Variants in GPT2 observed in about 807,000 individuals in gnomAD.
GPT2 encodes alanine aminotransferase 2.
Under a neutral mutation model 56.9 loss-of-function variants are expected in GPT2, and 30 were observed. The ratio of observed to expected loss-of-function variants is 0.53; its 90% CI spans 0.39 to 0.72. The LOEUF is 0.72. GPT2 is among the 30% of genes least tolerant of loss of function. GPT2 has a pLI of 0.00. For synonymous variants in GPT2, 271 were observed against 283.1 expected, an observed-to-expected ratio of 0.96 and a Z score of 0.43; for missense variants, 542 against 703.4, an observed-to-expected ratio of 0.77 and a Z score of 2.60.
chr16:46,928,338 A>T (rs902117742), intron 11 of GPT2, among the ~76,000 whole-genome samples: 5 of 151,680 alleles, frequency 3.3e-5, no homozygotes, highest in African/African-American at 4.8e-5. Context: ...CAAAAAAAAA[A>T]ATATGGCCAG....
chr16:46,929,109 C>A lies in GPT2; in HGVS notation c.*112C>A. 1.3e-6 allele frequency: 1 copy of A among 766,536 alleles called. No homozygotes were observed. Among genetic ancestry groups the A allele is most frequent in the South Asian group, 1.5e-5 (1 of 67,466 alleles). The allele number at this position is 766,536 out of a possible 1,614,324, so 47.5% of individuals were successfully genotyped here. ...CTCGGGCCTCGCAGAGGCCGCTGGT[C>A]ACTTCGTCATCATTTTGCCCCTGGA... On this transcript the variant is annotated 3_prime_UTR_variant, in exon 12 of 12. Transcript: ENST00000340124.
chr16:46,894,342 A>T (rs572671314), intron 2 of GPT2, among the ~76,000 whole-genome samples: 2 of 152,314 alleles, frequency 1.3e-5, no homozygotes, highest in African/African-American at 4.8e-5. Context: ...ACTCCCTGTG[A>T]AGAATGGGCT....
chr16:46,919,718 C>T (rs1287490694), intron 8 of GPT2, among the ~76,000 whole-genome samples: 2 of 152,134 alleles, frequency 1.3e-5, no homozygotes, highest in Non-Finnish European at 2.9e-5. Flanking sequence ...GGGGGTGTGG[C>T]CTTGCTTAGC....
Position 46,887,324 on chromosome 16 carries a change from C to A in GPT2, c.243+2366C>A, listed in dbSNP as rs1183523076. On this transcript the variant is annotated intron_variant, in intron 2 of 11. Transcript: ENST00000340124. ...CTCTACTAAAAGCACAAAAATTAGC[C>A]GGGCATGGTGGTACACGCTTGTAAC... 2.6e-5 allele frequency among the ~76,000 whole-genome samples: 4 copies of A among 152,136 alleles called. No homozygotes were observed. The South Asian group carries it at 8.3e-4, about 32-fold the overall frequency.
intron 2 of GPT2, among the ~76,000 whole-genome samples, chr16:46,896,268 C>T (rs1960684029): frequency 6.6e-6 from 1 of 152,170 alleles, no homozygotes; most frequent in South Asian, 2.1e-4. Flanking sequence ...GTTTCCAGGT[C>T]CCTGTAATTC....
At position 46,918,638 on chromosome 16, in the gene GPT2, G is replaced by C; in HGVS notation, c.918G>C (p.Val306=). 1 of 1,614,174 alleles carries C rather than the reference G, an allele frequency of 6.2e-7. No homozygotes were observed. Among genetic ancestry groups the C allele is most frequent in the Non-Finnish European group, 8.5e-7 (1 of 1,180,018 alleles). ...CCCCGCAGGTGTACCAGGACAACGTGTACTCTCCAGATTGCAGATTCCACT... is the reference window on the plus strand; with the variant it reads ...CCCCGCAGGTGTACCAGGACAACGTCTACTCTCCAGATTGCAGATTCCACT... ...LLADEVYQDN[V]YSPDCRFHSF... Residue 306 remains valine, a synonymous_variant, in exon 8 of 12, where the codon GTG becomes GTC. Transcript: ENST00000340124.
intron 4 of GPT2, among the ~76,000 whole-genome samples, chr16:46,904,809 TCACCTATTGGG>T (rs1260044544): frequency 6.6e-6 from 1 of 152,118 alleles, no homozygotes; most frequent in Non-Finnish European, 1.5e-5. Flanking sequence ...AGCAACTAAA[TCACCTATTGGG>T]GGAGGGCTCT....
chr16:46,886,246 G>C (rs993107224), intron 2 of GPT2, among the ~76,000 whole-genome samples: 8 of 152,200 alleles, frequency 5.3e-5, no homozygotes, highest in Non-Finnish European at 1.0e-4. Context: ...TGTCTGGCAG[G>C]CTGGAGCTGG....
chr16:46,923,215 A>C (rs1961332268), intron 9 of GPT2, among the ~76,000 whole-genome samples: 1 of 152,100 alleles, frequency 6.6e-6, no homozygotes, highest in Non-Finnish European at 1.5e-5. Flanking sequence ...TAATCCAAGC[A>C]CTTTGGGAGG....
At chr16:46,894,700 C>T (rs576427289) in intron 2 of GPT2, among the ~76,000 whole-genome samples, 2 of 151,876 alleles carry the variant, frequency 1.3e-5, no homozygotes, top group African/African-American at 4.8e-5. Flanking sequence ...GAGTCTCGCT[C>T]TGTCGCCCAG....
intron 6 of GPT2, 39 bp from the exon 7 acceptor site, chr16:46,916,589 A>T (rs1961170828): frequency 1.3e-6 from 2 of 1,487,646 alleles, no homozygotes; most frequent in Non-Finnish European, 1.9e-6. Flanking sequence ...TTTAAACAGC[A>T]TTACAACCGA....
Position 46,916,604 on chromosome 16 carries a change from T to A in GPT2, c.821-24T>A, listed in dbSNP as rs759327650. The A allele has an allele frequency of 7.0e-6, 11 of 1,577,358 alleles. No homozygotes were observed. The Admixed American group carries it at 1.8e-4, about 26-fold the overall frequency. ...TTTAAACAGCATTACAACCGACATT[T>A]TGGTTTTCTTGGGGATTTTATAGGC... On this transcript the variant is annotated intron_variant, in intron 6 of 11. Coordinates refer to ENST00000340124, the MANE Select transcript of GPT2 (RefSeq NM_133443.4).
intron 4 of GPT2, among the ~76,000 whole-genome samples, chr16:46,901,623 C>G (rs558280161): frequency 6.6e-6 from 1 of 152,214 alleles, no homozygotes; most frequent in African/African-American, 2.4e-5. Context: ...CTGATGTTCC[C>G]GAAAGTGGAG....
chr16:46,902,949 C>G (rs969198730), intron 4 of GPT2, among the ~76,000 whole-genome samples: 1 of 151,904 alleles, frequency 6.6e-6, no homozygotes, highest in East Asian at 2.0e-4. Flanking sequence ...TTATCATACC[C>G]TTTAAAATTA....
intron 1 of GPT2, 68 bp downstream of exon 1, chr16:46,884,535 C>G (rs894605813): frequency 1.5e-6 from 1 of 678,254 alleles, no homozygotes; most frequent in African/African-American, 1.9e-5. Context: ...GGTGCTTCAG[C>G]GGCGCCGTGG....
intron 9 of GPT2, among the ~76,000 whole-genome samples, chr16:46,923,666 A>C (rs1961342028): frequency 1.3e-5 from 2 of 152,186 alleles, no homozygotes; most frequent in African/African-American, 4.8e-5. Flanking sequence ...CACCTGTGGA[A>C]GCCCTGGACG....
chr16:46,888,890 T>A (rs1960533078), intron 2 of GPT2, among the ~76,000 whole-genome samples: 1 of 151,926 alleles, frequency 6.6e-6, no homozygotes, highest in Non-Finnish European at 1.5e-5. Context: ...CTTCAAGTAA[T>A]CCTCCCACCT....
chr16:46,890,160 G>A (rs1439921034), intron 2 of GPT2, among the ~76,000 whole-genome samples: 1 of 152,186 alleles, frequency 6.6e-6, no homozygotes, highest in African/African-American at 2.4e-5. Context: ...GTTTCTTCTG[G>A]TTTCACTTGT....
chr16:46,907,734 C>T (rs985788818), intron 5 of GPT2, among the ~76,000 whole-genome samples: 1 of 152,226 alleles, frequency 6.6e-6, no homozygotes, highest in Non-Finnish European at 1.5e-5. Context: ...CTAAGAACAA[C>T]AGGGAGCCAC....
Sources: gnomAD v4.1 joint callset for allele counts (sites outside exome capture counted in the v4.1 genomes callset) on GRCh38, gnomAD v4.1.1 for gene constraint, MANE v1.5 for transcripts, NCBI Gene and HGNC (gene_info 2026-07-23, HGNC 2026-07-21) for gene names.